PRKN: variants seen among roughly 807,000 people sequenced by gnomAD.
The protein encoded by PRKN is parkin RBR E3 ubiquitin protein ligase.
Under a neutral mutation model 59.5 loss-of-function variants are expected in PRKN, and 56 were observed. The observed-to-expected ratio is 0.94, with a 90% CI of 0.76 to 1.18. The LOEUF is 1.18. Ranked by LOEUF, PRKN falls within the 50% of genes most tolerant of loss-of-function variation. The pLI is 0.00. For synonymous variants in PRKN, 250 were observed against 222.1 expected, an observed-to-expected ratio of 1.13 and a Z score of -1.12; for missense variants, 657 against 596.4, an observed-to-expected ratio of 1.10 and a Z score of -1.06.
chr6:162,531,624 A>C (rs1325511543), intron 1 of PRKN, among the ~76,000 whole-genome samples: 1 of 150,758 alleles, frequency 6.6e-6, no homozygotes, highest in African/African-American at 2.4e-5. Flanking sequence ...CTGATCCATC[A>C]AGTGCAGGGT....
intron 4 of PRKN, among the ~76,000 whole-genome samples, chr6:162,113,610 C>T (rs6939051): frequency 0.4 from 61,091 of 152,026 alleles, 12,847 homozygotes; most frequent in African/African-American, 0.52. Context: ...TGATCTTTCA[C>T]TTATGTCTGA....
At chr6:162,660,371 T>A (rs932939758) in intron 1 of PRKN, among the ~76,000 whole-genome samples, 5 of 152,194 alleles carry the variant, frequency 3.3e-5, no homozygotes, top group Admixed American at 1.3e-4. Context: ...TTATGCAGTG[T>A]TCTCTAGTTC....
chr6:162,299,144 A>G (rs1781825008), intron 2 of PRKN, among the ~76,000 whole-genome samples: 3 of 152,210 alleles, frequency 2.0e-5, no homozygotes, highest in Admixed American at 2.0e-4. Context: ...AACACATCTC[A>G]GATGCCAACC....
At chr6:162,727,497 C>A (rs922924770) in intron 1 of PRKN, among the ~76,000 whole-genome samples, 165 bp downstream of exon 1, 5 of 151,538 alleles carry the variant, frequency 3.3e-5, no homozygotes, top group Admixed American at 2.0e-4. Flanking sequence ...GGACCCGCGT[C>A]GCTGAGCTGG....
Position 161,457,539 on chromosome 6 carries a change from T to G in PRKN, c.1084-70662A>C, listed in dbSNP as rs1790027572. Among the ~76,000 whole-genome samples the G allele has an allele frequency of 6.6e-6, 1 of 152,324 alleles. No individual in the cohort carries two copies. The highest frequency in any genetic ancestry group is 6.5e-5 in the Admixed American group (1 of 15,308). On this transcript the variant is annotated intron_variant, in intron 9 of 11. Transcript: ENST00000366898. The surrounding 1 kb of genome is among the most constrained non-coding windows in gnomAD (Gnocchi z 5.0). ...TTATGTACAGTGCCTAGAACAATGA[T>G]AAGACATGACTGCTGAATGTGTGGA...
intron 7 of PRKN, among the ~76,000 whole-genome samples, chr6:161,771,363 A>G (rs1312201098): frequency 8.8e-5 from 8 of 91,168 alleles, no homozygotes; most frequent in African/African-American, 1.2e-4. Flanking sequence ...CTCAAAAAAA[A>G]AAAAAAAATA....
intron 1 of PRKN, among the ~76,000 whole-genome samples, chr6:162,615,572 A>C (rs1201195018): frequency 6.6e-6 from 1 of 152,182 alleles, no homozygotes; most frequent in Non-Finnish European, 1.5e-5. Context: ...CAAGGTCAAA[A>C]GTCTCCTAGC....
intron 1 of PRKN, among the ~76,000 whole-genome samples, chr6:162,455,230 CATCT>C (rs953076654): frequency 6.6e-6 from 1 of 152,146 alleles, no homozygotes; most frequent in African/African-American, 2.4e-5. Flanking sequence ...CCTAACCATC[CATCT>C]GTCCATCTGC....
At chr6:162,320,882 TG>T (rs1192444252) in intron 2 of PRKN, among the ~76,000 whole-genome samples, 2 of 151,838 alleles carry the variant, frequency 1.3e-5, no homozygotes, top group Non-Finnish European at 2.9e-5. Flanking sequence ...ATTTAGGGGA[TG>T]CAGCTAAAGC....
chr6:161,673,212 AC>A (rs887726370), intron 7 of PRKN, among the ~76,000 whole-genome samples: 4 of 152,204 alleles, frequency 2.6e-5, no homozygotes, highest in African/African-American at 9.6e-5. Flanking sequence ...GACAGAGCCC[AC>A]CATGCACACC....
intron 9 of PRKN, among the ~76,000 whole-genome samples, chr6:161,469,739 C>T (rs1336318704): frequency 1.3e-5 from 2 of 152,148 alleles, no homozygotes. Context: ...GAATGCAGCC[C>T]TGCGACACCT....
At chr6:162,481,212 C>T (rs1281286929) in intron 1 of PRKN, among the ~76,000 whole-genome samples, 1 of 152,140 alleles carries the variant, frequency 6.6e-6, no homozygotes, top group African/African-American at 2.4e-5. Flanking sequence ...TCAAAAATAA[C>T]CCATTCCCTA....
intron 6 of PRKN, among the ~76,000 whole-genome samples, chr6:161,809,008 T>G (rs1013801094): frequency 6.6e-6 from 1 of 152,056 alleles, no homozygotes; most frequent in Non-Finnish European, 1.5e-5. Context: ...GCCTGGGTAA[T>G]TTTTGTATAT....
At position 162,475,545 on chromosome 6, in the gene PRKN, G is replaced by A. The variant is rs140260852; in HGVS notation, c.8-32072C>T. ...CGCGCAGGTACATGCATGTATGCAT[G>A]TGTGTGCATGTGTATGCATGTGAGT... On this transcript the variant is annotated intron_variant, in intron 1 of 11. Transcript: ENST00000366898. Among the ~76,000 whole-genome samples the A allele has an allele frequency of 2.6e-5, 4 of 151,798 alleles. No individual in the cohort carries two copies. In the East Asian group the frequency reaches 7.8e-4, roughly 30 times the overall value.
chr6:162,648,306 G>T (rs1778275731), intron 1 of PRKN, among the ~76,000 whole-genome samples: 1 of 151,730 alleles, frequency 6.6e-6, no homozygotes, highest in African/African-American at 2.4e-5. Flanking sequence ...GATTCCAATG[G>T]TCACTATGTG....
chr6:162,201,090 C>A, intron 4 of PRKN, 41 bp downstream of exon 4: 1 of 1,609,850 alleles, frequency 6.2e-7, no homozygotes, highest in African/African-American at 1.3e-5. Flanking sequence ...AGTACACATT[C>A]ATTTTCCTGG....
chr6:162,708,519 G>A (rs534969982), intron 1 of PRKN, among the ~76,000 whole-genome samples: 8 of 152,098 alleles, frequency 5.3e-5, no homozygotes, highest in Non-Finnish European at 8.8e-5. Context: ...AACCTAACAC[G>A]GCTTTCATGA....
chr6:162,555,293 C>T lies in PRKN; in HGVS notation c.8-111820G>A, dbSNP rs183629503. Among the ~76,000 whole-genome samples the T allele has an allele frequency of 2.6e-5, 4 of 152,202 alleles. No individual in the cohort carries two copies. In the East Asian group the frequency reaches 7.7e-4, roughly 29 times the overall value. ...TATATTAAACAAAATGGATTCATTT[C>T]TAACCCAACCAGTAAAATATTCTTT... is the stretch of plus-strand genomic sequence containing the variant. On this transcript the variant is annotated intron_variant, in intron 1 of 11. Coordinates refer to ENST00000366898, the MANE Select transcript of PRKN (RefSeq NM_004562.3).
rs947925435 is a variant in PRKN at position 161,529,893 on chromosome 6, C to T, written c.1083+18961G>A. Among the ~76,000 whole-genome samples the T allele has an allele frequency of 2.0e-5, 3 of 152,110 alleles. No homozygotes were observed. The highest frequency in any genetic ancestry group is 7.2e-5 in the African/African-American group (3 of 41,424). On this transcript the variant is annotated intron_variant, in intron 9 of 11. Coordinates refer to ENST00000366898, the MANE Select transcript of PRKN (RefSeq NM_004562.3). This position sits in a 1 kb window ranked among gnomAD's most constrained non-coding sequence, Gnocchi z 4.4. ...CACTTGACACAAATTAATGTCAATCCTTGAGGGACCAGTTCCTTTTCCACG... is the reference window on the plus strand; with the variant it reads ...CACTTGACACAAATTAATGTCAATCTTTGAGGGACCAGTTCCTTTTCCACG...
Sources: gnomAD v4.1 joint callset for allele counts (sites outside exome capture counted in the v4.1 genomes callset) on GRCh38, gnomAD v4.1.1 for gene constraint, Gnocchi (gnomAD v3.1) non-coding constraint, MANE v1.5 for transcripts, NCBI Gene and HGNC (gene_info 2026-07-23, HGNC 2026-07-21) for gene names.